MAP2K6: variants seen among roughly 807,000 people sequenced by gnomAD.
MAP2K6 encodes dual specificity mitogen-activated protein kinase kinase 6.
MAP2K6 carries 16 observed loss-of-function variants against 53.7 expected under a neutral mutation model. That is an observed-to-expected ratio of 0.30 (90% CI 0.20 to 0.45). The LOEUF is 0.45. Ranked by LOEUF, MAP2K6 falls within the 20% of genes least tolerant of loss-of-function variation. MAP2K6 has a pLI of 1.00. For synonymous variants in MAP2K6, 132 were observed against 143.1 expected, an observed-to-expected ratio of 0.92 and a Z score of 0.55; for missense variants, 204 against 411.9, an observed-to-expected ratio of 0.50 and a Z score of 4.37.
chr17:69,512,211 G>T (rs1683435405), intron 2 of MAP2K6, among the ~76,000 whole-genome samples: 1 of 151,670 alleles, frequency 6.6e-6, no homozygotes, highest in African/African-American at 2.4e-5. Context: ...ACTGGTAGAG[G>T]CTGTGAGCAA....
intron 1 of MAP2K6, among the ~76,000 whole-genome samples, chr17:69,493,685 C>T (rs1014756231): frequency 2.2e-4 from 33 of 151,766 alleles, no homozygotes; most frequent in African/African-American, 6.1e-4. Context: ...TTCTTGAACC[C>T]GGGAGACAGA....
At chr17:69,431,557 C>G (rs1443165123) in intron 1 of MAP2K6, among the ~76,000 whole-genome samples, 1 of 152,134 alleles carries the variant, frequency 6.6e-6, no homozygotes, top group South Asian at 2.1e-4. Context: ...TTTGTTTTAC[C>G]TTAAGTAAGA....
intron 11 of MAP2K6, among the ~76,000 whole-genome samples, chr17:69,537,122 T>C (rs1259109998): frequency 1.3e-5 from 2 of 151,216 alleles, no homozygotes. Context: ...CTCTGGTAAC[T>C]ACAATTCTAA....
chr17:69,532,992 A>T (rs1401101687), intron 10 of MAP2K6, among the ~76,000 whole-genome samples: 2 of 151,934 alleles, frequency 1.3e-5, no homozygotes. Context: ...GCAGTGGTGC[A>T]ATCTCAGCTC....
In MAP2K6 at chr17:69,538,129, C is replaced by G. The variant is rs140579330; in HGVS notation, c.927+1969C>G. Among the ~76,000 whole-genome samples the G allele has an allele frequency of 2.0e-3, 309 of 152,256 alleles. 3 individuals carry two copies. Among genetic ancestry groups the G allele is most frequent in the African/African-American group, 7.0e-3 (292 of 41,556 alleles). ...AAACAATCCCCCGGCCTGGGCCCCC[C>G]AAGTAGCTGGGACTACAAGTGTGCA... On this transcript the variant is annotated intron_variant, in intron 11 of 11. Coordinates refer to ENST00000590474, the MANE Select transcript of MAP2K6 (RefSeq NM_002758.4).
chr17:69,553,267 C>A lies in MAP2K6; in HGVS notation c.*11514C>A, dbSNP rs1912169690. The A allele has an allele frequency of 6.6e-6, 1 of 152,140 alleles. No individual in the cohort carries two copies. Among genetic ancestry groups the A allele is most frequent in the Non-Finnish European group, 1.5e-5 (1 of 68,002 alleles). The allele number at this position is 152,140 out of a possible 1,614,324, so 9.4% of individuals were successfully genotyped here. On this transcript the variant is annotated 3_prime_UTR_variant, in exon 12 of 12. Transcript: ENST00000590474. Reference sequence around the variant, plus strand: ...CACATCTAGTAAAAAACAACCTTTTCATTTCCCTCCTTTCTAATCCAAGAT... The same window carrying A: ...CACATCTAGTAAAAAACAACCTTTTAATTTCCCTCCTTTCTAATCCAAGAT...
At chr17:69,477,760 G>A (rs371336763) in intron 1 of MAP2K6, among the ~76,000 whole-genome samples, 28 of 152,234 alleles carry the variant, frequency 1.8e-4, no homozygotes, top group African/African-American at 6.5e-4. Context: ...ATATCAACTC[G>A]TTATGCAACT....
At chr17:69,516,975 A>G in intron 3 of MAP2K6, 72 bp downstream of exon 3, 1 of 1,237,282 alleles carries the variant, frequency 8.1e-7, no homozygotes, top group South Asian at 1.3e-5. Context: ...TGAAAAATTT[A>G]TTTTCCCTAG....
chr17:69,503,257 A>G (rs1909262790), intron 1 of MAP2K6, among the ~76,000 whole-genome samples: 1 of 152,212 alleles, frequency 6.6e-6, no homozygotes, highest in Admixed American at 6.5e-5. Context: ...GAAGAATCTC[A>G]TCGAAAGTAA....
In MAP2K6 at chr17:69,511,403, T is replaced by C. The variant is rs28558169; in HGVS notation, c.84-5452T>C. The stretch of plus-strand genomic sequence containing the variant: ...TCTTCCCATTCATACCCTGCCTCCT[T>C]CTGCTGCGCTTCACAAAAATAAATA... On this transcript the variant is annotated intron_variant, in intron 2 of 11. Transcript: ENST00000590474. Among the ~76,000 whole-genome samples, 935 of 152,284 alleles carry C rather than the reference T, an allele frequency of 6.1e-3. 13 individuals are homozygous for C. Among genetic ancestry groups the C allele is most frequent in the African/African-American group, 0.022 (895 of 41,540 alleles).
At chr17:69,520,565 T>G (rs946115225) in intron 6 of MAP2K6, 179 bp downstream of exon 6, 6 of 560,256 alleles carry the variant, frequency 1.1e-5, no homozygotes, top group Non-Finnish European at 1.2e-5. Context: ...GTGTAGAAGA[T>G]TCTAGCACTG....
intron 1 of MAP2K6, among the ~76,000 whole-genome samples, chr17:69,422,517 G>T (rs940502592): frequency 2.0e-5 from 3 of 152,082 alleles, no homozygotes; most frequent in Non-Finnish European, 4.4e-5. Flanking sequence ...TTTACTTTCT[G>T]GTCTGTACAT....
rs556061419 is a variant in MAP2K6, at chr17:69,436,271, C to T, written c.16+21271C>T. Among the ~76,000 whole-genome samples, 20 of 152,192 alleles carry T rather than the reference C, an allele frequency of 1.3e-4. No individual in the cohort carries two copies. The South Asian group carries it at 2.9e-3, about 22-fold the overall frequency. ...GATCCAAAGAACTTTTACTTCCTTT[C>T]GCTCACTGCTGGATATGCTAATAGG... On this transcript the variant is annotated intron_variant, in intron 1 of 11. Coordinates refer to ENST00000590474, the MANE Select transcript of MAP2K6 (RefSeq NM_002758.4).
At chr17:69,429,367 T>C (rs1175524957) in intron 1 of MAP2K6, among the ~76,000 whole-genome samples, 3 of 151,798 alleles carry the variant, frequency 2.0e-5, no homozygotes, top group African/African-American at 4.8e-5. Context: ...GGAGGATCAC[T>C]TGGGCCCAGG....
intron 11 of MAP2K6, among the ~76,000 whole-genome samples, chr17:69,539,985 G>A (rs1347405488): frequency 3.9e-5 from 6 of 152,192 alleles, no homozygotes; most frequent in Non-Finnish European, 8.8e-5. Context: ...AAGGATCGGA[G>A]CCAGCACTCA....
chr17:69,432,122 T>C (rs1244766113), intron 1 of MAP2K6, among the ~76,000 whole-genome samples: 1 of 152,146 alleles, frequency 6.6e-6, no homozygotes, highest in Admixed American at 6.5e-5. Flanking sequence ...ATTAAGCAAA[T>C]GAAAGGAACG....
chr17:69,416,084 T>C (rs763721796), intron 1 of MAP2K6, among the ~76,000 whole-genome samples: 28 of 152,104 alleles, frequency 1.8e-4, no homozygotes, highest in Non-Finnish European at 2.8e-4. Flanking sequence ...ATGAGAAGTA[T>C]GGGATGATGA....
At chr17:69,453,564 C>T (rs1352657406) in intron 1 of MAP2K6, among the ~76,000 whole-genome samples, 1 of 152,192 alleles carries the variant, frequency 6.6e-6, no homozygotes, top group African/African-American at 2.4e-5. Context: ...CTCCTGCTCA[C>T]CTCTCTCCTT....
chr17:69,463,845 C>T (rs10048193), intron 1 of MAP2K6, among the ~76,000 whole-genome samples: 1,814 of 151,688 alleles, frequency 0.012, 42 homozygotes, highest in African/African-American at 0.041. Flanking sequence ...TGATGAAACC[C>T]CATCTCTACT....
Sources: allele counts gnomAD v4.1 joint callset (sites outside exome capture counted in the v4.1 genomes callset), GRCh38; gene constraint gnomAD v4.1.1; transcripts MANE v1.5; gene names NCBI Gene and HGNC (gene_info 2026-07-23, HGNC 2026-07-21).